Variants in CNNM2 observed in about 807,000 individuals in gnomAD.
The protein encoded by CNNM2 is metal transporter CNNM2.
Under a neutral mutation model 66.9 loss-of-function variants are expected in CNNM2, and 12 were observed. The observed-to-expected ratio is 0.18, with a 90% confidence interval of 0.11 to 0.29. The LOEUF is 0.29. CNNM2 is among the 10% of genes least tolerant of loss of function. The pLI, the probability that CNNM2 is intolerant of heterozygous loss-of-function variation, is 1.00. For synonymous variants in CNNM2, 557 were observed against 501.8 expected (o/e 1.11, Z -1.47); for missense variants, 705 against 1,167.7 (o/e 0.60, Z 5.77).
At chr10:102,971,446 A>G (rs1261399849) in intron 1 of CNNM2, among the ~76,000 whole-genome samples, 2 of 152,148 alleles carry the variant, frequency 1.3e-5, no homozygotes, top group Non-Finnish European at 2.9e-5. Flanking sequence ...AAGATAATAC[A>G]GAGGTATAGG....
At position 103,073,868 on chromosome 10, in the gene CNNM2, CAAAAAAAAAAAAA is replaced by C. The variant is rs61331007; in HGVS notation, c.2233+2043_2233+2055del. On this transcript the variant is annotated intron_variant, in intron 6 of 7. Transcript: ENST00000369878. ...TGGGCGACAGAGCGAGACTCCGTCTCAAAAAAAAAAAAAAAAAAAAAAAAAAGAATAGAAAATG... is the reference window on the plus strand; with the variant it reads ...TGGGCGACAGAGCGAGACTCCGTCTCAAAAAAAAAAAAAGAATAGAAAATG... Among the ~76,000 whole-genome samples, 9 of 70,242 alleles carry C rather than the reference CAAAAAAAAAAAAA, an allele frequency of 1.3e-4. No individual in the cohort carries two copies. The East Asian group carries it at 2.5e-3, about 19-fold the overall frequency. The allele number at this position is 70,242 out of a possible 152,430, so 46.1% of individuals were successfully genotyped here. A position where few individuals can be genotyped will look rare whatever the true frequency, so the allele number is the denominator to read the frequency against.
intron 1 of CNNM2, among the ~76,000 whole-genome samples, chr10:102,999,923 G>T (rs1564839352): frequency 6.6e-6 from 1 of 152,146 alleles, no homozygotes; most frequent in Non-Finnish European, 1.5e-5. Flanking sequence ...TGGAACCCTT[G>T]TGCACTGTTA....
chr10:103,001,862 G>A (rs763752737), intron 1 of CNNM2, among the ~76,000 whole-genome samples: 11 of 152,062 alleles, frequency 7.2e-5, no homozygotes, highest in Non-Finnish European at 1.5e-4. Flanking sequence ...AAATAGCCAG[G>A]TGCATGCCTG....
intron 4 of CNNM2, among the ~76,000 whole-genome samples, chr10:103,066,870 G>A (rs904986516): frequency 3.9e-5 from 6 of 152,156 alleles, no homozygotes; most frequent in Admixed American, 1.3e-4. Context: ...TGCCTGTGTG[G>A]GGAAGGTTTG....
intron 1 of CNNM2, chr10:102,920,956 G>T (rs181611438): frequency 3.0e-6 from 1 of 328,036 alleles, no homozygotes; most frequent in Admixed American, 6.5e-5. Context: ...CTCTATTGGG[G>T]CTTATTTATT....
At chr10:103,034,311 T>G (rs574304334) in intron 1 of CNNM2, among the ~76,000 whole-genome samples, 33 of 139,974 alleles carry the variant, frequency 2.4e-4, no homozygotes, top group Admixed American at 9.2e-4. Context: ...AGGTCTGTCT[T>G]TCTTGTTTTT....
chr10:102,926,587 G>T (rs1845868649), intron 1 of CNNM2, among the ~76,000 whole-genome samples: 1 of 152,078 alleles, frequency 6.6e-6, no homozygotes, highest in South Asian at 2.1e-4. Flanking sequence ...TGTTACCCAG[G>T]CTGGAATGCA....
chr10:103,056,268 T>A (rs538872619), intron 3 of CNNM2, among the ~76,000 whole-genome samples: 278 of 152,214 alleles, frequency 1.8e-3, no homozygotes, highest in African/African-American at 6.4e-3. Context: ...TTTTTTTTTT[T>A]AAATTAGCAT....
intron 2 of CNNM2, among the ~76,000 whole-genome samples, chr10:103,053,781 A>G (rs541131904): frequency 6.6e-6 from 1 of 152,288 alleles, no homozygotes; most frequent in Non-Finnish European, 1.5e-5. Context: ...CTGGAGTAGC[A>G]GTGAAGCAAA....
At chr10:102,984,036 G>C (rs1275777905) in intron 1 of CNNM2, among the ~76,000 whole-genome samples, 1 of 152,184 alleles carries the variant, frequency 6.6e-6, no homozygotes, top group Non-Finnish European at 1.5e-5. Flanking sequence ...GATTACAGGT[G>C]TGAGCCACTG....
intron 1 of CNNM2, among the ~76,000 whole-genome samples, chr10:103,001,966 A>G (rs981615790): frequency 2.6e-5 from 4 of 152,292 alleles, no homozygotes; most frequent in African/African-American, 9.6e-5. Context: ...ACTGCGCCCC[A>G]GCCTGGGTGA....
intron 1 of CNNM2, among the ~76,000 whole-genome samples, chr10:102,950,923 A>T (rs1214135880): frequency 7.1e-5 from 10 of 141,718 alleles, no homozygotes; most frequent in South Asian, 2.2e-4. Flanking sequence ...TCATATATAT[A>T]TTTTTCCCTT....
At position 103,081,273 on chromosome 10, in the gene CNNM2, C is replaced by T. The variant is rs1395882502; in HGVS notation, c.*4093C>T. 1.3e-5 allele frequency: 2 copies of T among 152,288 alleles called. No homozygotes were observed. Among genetic ancestry groups the T allele is most frequent in the Admixed American group, 6.5e-5 (1 of 15,272 alleles). 9.4% of individuals were successfully genotyped at this position (152,288 alleles called of 1,614,324 possible). A position where few individuals can be genotyped will look rare whatever the true frequency, so the allele number is the denominator to read the frequency against. ...AAGACTGAGCTGGTAGGTTAGGGTC[C>T]AGAAGGCCTCTGAGGTGCCATTGCT... On this transcript the variant is annotated 3_prime_UTR_variant, in exon 8 of 8. Transcript: ENST00000369878.
At chr10:103,009,341 T>A (rs7100592) in intron 1 of CNNM2, among the ~76,000 whole-genome samples, 1 of 151,972 alleles carries the variant, frequency 6.6e-6, no homozygotes, top group African/African-American at 2.4e-5. Context: ...TCTTGTTGGT[T>A]TATGACATTT....
rs374902343 is a variant in CNNM2 at position 103,035,073 on chromosome 10, C to A, written c.1622-14634C>A. Among the ~76,000 whole-genome samples, 5 of 151,906 alleles carry A rather than the reference C, an allele frequency of 3.3e-5. No homozygotes were observed. In the South Asian group the frequency reaches 1.0e-3, roughly 32 times the overall value. On this transcript the variant is annotated intron_variant, in intron 1 of 7. Coordinates refer to ENST00000369878, the MANE Select transcript of CNNM2 (RefSeq NM_017649.5). ...GCTGAGGTGGAAGGATCACTTGAGT[C>A]CAGGAATTCGAGACCAGTCTGGGCA...
chr10:103,007,726 T>A (rs2064255672), intron 1 of CNNM2, among the ~76,000 whole-genome samples: 1 of 152,158 alleles, frequency 6.6e-6, no homozygotes, highest in Non-Finnish European at 1.5e-5. Flanking sequence ...ATTCTGTTCT[T>A]TTTCAAGGTG....
chr10:103,002,669 G>T (rs2064144156), intron 1 of CNNM2, among the ~76,000 whole-genome samples: 1 of 152,000 alleles, frequency 6.6e-6, no homozygotes, highest in African/African-American at 2.4e-5. Flanking sequence ...AGTAGAGAGG[G>T]GGTTTCTCCA....
At chr10:103,028,853 C>T (rs1332136997) in intron 1 of CNNM2, among the ~76,000 whole-genome samples, 1 of 123,408 alleles carries the variant, frequency 8.1e-6, no homozygotes, top group African/African-American at 3.1e-5. Context: ...GAGACAGTCT[C>T]GCTGTGTCAC....
chr10:103,040,874 T>C (rs1243044392), intron 1 of CNNM2, among the ~76,000 whole-genome samples: 1 of 152,192 alleles, frequency 6.6e-6, no homozygotes, highest in African/African-American at 2.4e-5. Context: ...TCAGTTTGCC[T>C]CTTGTAAAAT....
Sources: gnomAD v4.1 joint callset for allele counts (sites outside exome capture counted in the v4.1 genomes callset) on GRCh38, gnomAD v4.1.1 for gene constraint, MANE v1.5 for transcripts, NCBI Gene and HGNC (gene_info 2026-07-23, HGNC 2026-07-21) for gene names.